JUP: variants seen among roughly 807,000 people sequenced by gnomAD.
JUP encodes catenin (cadherin-associated protein), gamma 80kDa.
JUP carries 28 observed loss-of-function variants against 71.1 expected under a neutral mutation model. That is an observed-to-expected ratio of 0.39 (90% confidence interval 0.29 to 0.54). The LOEUF is 0.54. Ranked by LOEUF, JUP falls within the 20% of genes least tolerant of loss-of-function variation. JUP has a pLI of 0.62. For synonymous variants in JUP, 401 were observed against 438.9 expected (o/e 0.91, Z 1.08); for missense variants, 869 against 1,030.1 (o/e 0.84, Z 2.14).
At position 41,763,151 on chromosome 17, in the gene JUP, C is replaced by T. The variant is rs1555602211; in HGVS notation, c.1329G>A (p.Leu443=). ...SGVEALIHAI[L]RAGDKDDITE... ...TGATGTCGTCCTTGTCACCAGCACGCAGGATGGCATGGATGAGAGCCTCCA... is the reference window on the plus strand; with the variant it reads ...TGATGTCGTCCTTGTCACCAGCACGTAGGATGGCATGGATGAGAGCCTCCA... Residue 443 remains leucine, a synonymous_variant, in exon 8 of 14, where the codon CTG becomes CTA. Transcript: ENST00000393931. 1.2e-6 allele frequency: 2 copies of T among 1,614,244 alleles called. No homozygotes were observed. The highest frequency in any genetic ancestry group is 4.5e-5 in the East Asian group (2 of 44,880).
At chr17:41,774,351 T>G (rs1362205527) in intron 1 of JUP, among the ~76,000 whole-genome samples, 1 of 152,122 alleles carries the variant, frequency 6.6e-6, no homozygotes, top group Non-Finnish European at 1.5e-5. Context: ...TTCTTTTTTT[T>G]GAGACAGAAT....
chr17:41,757,121 C>A (rs1432648728), intron 12 of JUP, among the ~76,000 whole-genome samples: 1 of 152,114 alleles, frequency 6.6e-6, no homozygotes, highest in Non-Finnish European at 1.5e-5. Context: ...GGGTACAGGG[C>A]ACTGCCCCAC....
chr17:41,764,615 C>G, intron 7 of JUP, 98 bp downstream of exon 7: 2 of 883,328 alleles, frequency 2.3e-6, no homozygotes, highest in Admixed American at 1.8e-5. Flanking sequence ...AGATTTAGAG[C>G]CCCCAGTCCT....
intron 1 of JUP, among the ~76,000 whole-genome samples, chr17:41,782,527 T>G (rs1363426914): frequency 3.3e-5 from 5 of 152,136 alleles, no homozygotes; most frequent in African/African-American, 1.2e-4. Flanking sequence ...AGAACAGCCA[T>G]GGTTCTACCT....
chr17:41,757,366 G>C, intron 12 of JUP, 49 bp downstream of exon 12: 1 of 1,609,580 alleles, frequency 6.2e-7, no homozygotes, highest in Non-Finnish European at 8.5e-7. Flanking sequence ...CCCATGGGCA[G>C]TGCCCAACTT....
intron 1 of JUP, among the ~76,000 whole-genome samples, chr17:41,780,010 C>T (rs1358632935): frequency 6.6e-6 from 1 of 152,058 alleles, no homozygotes; most frequent in Non-Finnish European, 1.5e-5. Flanking sequence ...GAGGAGGAGT[C>T]TCCCCTAAAT....
chr17:41,768,599 T>C (rs114580036), intron 4 of JUP, among the ~76,000 whole-genome samples: 4,200 of 151,826 alleles, frequency 0.028, 182 homozygotes, highest in African/African-American at 0.097. Flanking sequence ...CCACATTTTG[T>C]AGGGGGCCAG....
intron 9 of JUP, 52 bp downstream of exon 9, chr17:41,758,663 G>C: frequency 6.3e-7 from 1 of 1,590,798 alleles, no homozygotes; most frequent in Non-Finnish European, 8.5e-7. Flanking sequence ...CACCCACAGA[G>C]GACACCCTGA....
In JUP at chr17:41,758,276, TTCCTCCAAAC is replaced by T. The variant is rs1555599286; in HGVS notation, c.1773+113_1773+122del. 4 of 1,332,678 alleles carry T rather than the reference TTCCTCCAAAC, an allele frequency of 3.0e-6. No homozygotes were observed. The African/African-American group carries it at 5.8e-5, about 19-fold the overall frequency. The allele number at this position is 1,332,678 out of a possible 1,614,324, so 82.6% of individuals were successfully genotyped here. A position where few individuals can be genotyped will look rare whatever the true frequency, so the allele number is the denominator to read the frequency against. On this transcript the variant is annotated intron_variant, in intron 10 of 13. Coordinates refer to ENST00000393931, the MANE Select transcript of JUP (RefSeq NM_002230.4). ...AAGTAGTCAATCTGGAGTGGCAACT[TTCCTCCAAAC>T]TCCTCCAAAGACCTCTTGATACCTG... is the stretch of plus-strand genomic sequence containing the variant.
intron 1 of JUP, among the ~76,000 whole-genome samples, chr17:41,773,635 T>C (rs1917006149): frequency 6.6e-6 from 1 of 151,750 alleles, no homozygotes; most frequent in African/African-American, 2.4e-5. Flanking sequence ...CCCACACCCC[T>C]TCCCCAGCAA....
At chr17:41,759,041 C>A (rs559408311) in intron 8 of JUP, among the ~76,000 whole-genome samples, 171 bp from the exon 9 acceptor site, 1 of 152,102 alleles carries the variant, frequency 6.6e-6, no homozygotes, top group South Asian at 2.1e-4. Flanking sequence ...GTCACTTAAT[C>A]CACAGGATCT....
Position 41,757,674 on chromosome 17 carries a change from G to A in JUP, c.1884C>T (p.Ala628=). The change falls in exon 11 of 14, where the codon GCC becomes GCT. Residue 628 remains alanine (A), a synonymous_variant. Transcript: ENST00000393931. ...GGGAGTGCAGCAACTCCATGAGTGG[G>A]GCCGAGGCCCCCTCTGCATCAATGG... ...ADAIDAEGAS[A]PLMELLHSRN... is the part of the protein sequence containing the mutation. The A allele has an allele frequency of 6.2e-7, 1 of 1,613,592 alleles. No homozygotes were observed. The highest frequency in any genetic ancestry group is 8.5e-7 in the Non-Finnish European group (1 of 1,179,756).
intron 7 of JUP, among the ~76,000 whole-genome samples, chr17:41,763,689 G>C (rs1430306849): frequency 2.6e-5 from 4 of 152,064 alleles, no homozygotes; most frequent in African/African-American, 7.2e-5. Flanking sequence ...GGGAGGCCTC[G>C]AGACCAGGAG....
intron 1 of JUP, chr17:41,772,262 C>T (rs1271814511): frequency 3.0e-6 from 1 of 332,488 alleles, no homozygotes; most frequent in Non-Finnish European, 5.9e-6. Flanking sequence ...CTTCTGAGGT[C>T]CCCTGGGCCC....
At chr17:41,758,364 G>A (rs1233059088) in intron 10 of JUP, 35 bp downstream of exon 10, 3 of 1,611,550 alleles carry the variant, frequency 1.9e-6, no homozygotes, top group African/African-American at 1.3e-5. Flanking sequence ...AGCAGTGGTG[G>A]GGGGACCTCT....
At chr17:41,756,296 A>G in intron 12 of JUP, 82 bp from the exon 13 acceptor site, 1 of 1,413,450 alleles carries the variant, frequency 7.1e-7, no homozygotes, top group East Asian at 2.3e-5. Context: ...GCAGGGAGAG[A>G]TGCTTCTAAA....
At position 41,756,894 on chromosome 17, in the gene JUP, A is replaced by G. The variant is rs200229725; in HGVS notation, c.2046+521T>C. Among the ~76,000 whole-genome samples the G allele has an allele frequency of 4.1e-4, 62 of 152,306 alleles. 1 individual carries two copies. The South Asian group carries it at 0.012, about 29-fold the overall frequency. On this transcript the variant is annotated intron_variant, in intron 12 of 13. Transcript: ENST00000393931. ...CAGCCTGGCGACAGAGCAAGACTCC[A>G]TCTCAAAAAATATAAAAATAAATAA...
chr17:41,783,681 G>A (rs1207541360), intron 1 of JUP, among the ~76,000 whole-genome samples: 4 of 151,954 alleles, frequency 2.6e-5, no homozygotes, highest in Non-Finnish European at 5.9e-5. Context: ...AGCACTTTGG[G>A]AGGCCGGGGC....
intron 1 of JUP, among the ~76,000 whole-genome samples, chr17:41,778,371 G>A (rs2046983942): frequency 6.6e-6 from 1 of 152,016 alleles, no homozygotes; most frequent in African/African-American, 2.4e-5. Flanking sequence ...CTCCAGACCA[G>A]TCTGGGCAAC....
Sources: gnomAD v4.1 joint callset for allele counts (sites outside exome capture counted in the v4.1 genomes callset) on GRCh38, gnomAD v4.1.1 for gene constraint, MANE v1.5 for transcripts, NCBI Gene and HGNC (gene_info 2026-07-23, HGNC 2026-07-21) for gene names.